RSRC1: variants seen among roughly 807,000 people sequenced by gnomAD.
RSRC1 encodes the protein arginine and serine rich coiled-coil 1.
In RSRC1, 39 loss-of-function variants were observed where a neutral mutation model predicts 49.1. That is an observed-to-expected ratio of 0.79 (90% CI 0.61 to 1.04). The LOEUF (loss-of-function observed/expected upper bound fraction) is 1.04. RSRC1 is among the 50% of genes least tolerant of loss of function. The pLI is 0.00. For missense variants in RSRC1, 388 were observed against 402.4 expected, an observed-to-expected ratio of 0.96 and a Z score of 0.31; for synonymous variants, 143 against 130.8, an observed-to-expected ratio of 1.09 and a Z score of -0.63.
At chr3:158,447,008 TCTTTAA>T (rs1736756689) in intron 6 of RSRC1, among the ~76,000 whole-genome samples, 1 of 152,098 alleles carries the variant, frequency 6.6e-6, no homozygotes, top group South Asian at 2.1e-4. Context: ...TTTGCTGTAT[TCTTTAA>T]CTAGTAGGGG....
intron 7 of RSRC1, among the ~76,000 whole-genome samples, chr3:158,514,520 G>A (rs1193439703): frequency 6.6e-6 from 1 of 152,124 alleles, no homozygotes; most frequent in Non-Finnish European, 1.5e-5. Context: ...ATTTGCTGAG[G>A]AGAGCTTTAC....
At chr3:158,413,535 C>T (rs1320282791) in intron 6 of RSRC1, among the ~76,000 whole-genome samples, 2 of 152,016 alleles carry the variant, frequency 1.3e-5, no homozygotes, top group Non-Finnish European at 2.9e-5. Flanking sequence ...AAGAAACTAT[C>T]ATCAGAGTCA....
chr3:158,214,003 ATGTT>A, intron 4 of RSRC1, among the ~76,000 whole-genome samples: 1 of 151,582 alleles, frequency 6.6e-6, no homozygotes, highest in East Asian at 1.9e-4. Flanking sequence ...CAGATCAGAA[ATGTT>A]TGTGGGAAAA....
At chr3:158,362,546 A>G (rs895706469) in intron 6 of RSRC1, among the ~76,000 whole-genome samples, 6 of 152,220 alleles carry the variant, frequency 3.9e-5, no homozygotes, top group Non-Finnish European at 8.8e-5. Flanking sequence ...TTTATAATAA[A>G]TATACTAAGA....
Position 158,188,481 on chromosome 3 carries a change from C to T in RSRC1, c.321-14591C>T, listed in dbSNP as rs149632291. ...ATCCACCAGGCTTTTGTTTACATTC[C>T]CTCTTCCTGCTCTATCATCTGGAAA... On this transcript the variant is annotated intron_variant, in intron 3 of 9. Coordinates refer to ENST00000611884, the MANE Select transcript of RSRC1 (RefSeq NM_001271838.2). 5.9e-5 allele frequency among the ~76,000 whole-genome samples: 9 copies of T among 152,030 alleles called. No individual in the cohort carries two copies. The East Asian group carries it at 1.7e-3, about 29-fold the overall frequency.
At chr3:158,498,368 G>C (rs1375594185) in intron 7 of RSRC1, among the ~76,000 whole-genome samples, 1 of 151,638 alleles carries the variant, frequency 6.6e-6, no homozygotes, top group Non-Finnish European at 1.5e-5. Context: ...ATCTTCTTTT[G>C]AGAATTGTCT....
chr3:158,362,706 T>G (rs553504202), intron 6 of RSRC1, among the ~76,000 whole-genome samples: 14 of 152,230 alleles, frequency 9.2e-5, no homozygotes, highest in Non-Finnish European at 1.9e-4. Context: ...AGGACTCCTT[T>G]GTCTCCATCA....
chr3:158,487,136 T>A (rs1267900403), intron 7 of RSRC1, among the ~76,000 whole-genome samples: 1 of 152,194 alleles, frequency 6.6e-6, no homozygotes, highest in Non-Finnish European at 1.5e-5. Context: ...TTCAATACTG[T>A]TGCACAGATA....
At chr3:158,272,166 C>T (rs1216392133) in intron 4 of RSRC1, among the ~76,000 whole-genome samples, 3 of 152,066 alleles carry the variant, frequency 2.0e-5, no homozygotes, top group African/African-American at 7.2e-5. Flanking sequence ...GGATTTCTTT[C>T]TTAAGCCCCG....
In RSRC1 at chr3:158,228,933, CAT is replaced by C. The variant is rs1199164984; in HGVS notation, c.494+25690_494+25691del. Among the ~76,000 whole-genome samples the C allele has an allele frequency of 1.7e-5, 2 of 114,424 alleles. 1 individual carries two copies. Among genetic ancestry groups the C allele is most frequent in the Non-Finnish European group, 4.0e-5 (2 of 50,180 alleles). The allele number at this position is 114,424 out of a possible 152,430, so 75.1% of individuals were successfully genotyped here. ...ACGTGTATATGTGTGTATAAACACA[CAT>C]ACGTGTATATGTGTGTATAAACACA... On this transcript the variant is annotated intron_variant, in intron 4 of 9. Coordinates refer to ENST00000611884, the MANE Select transcript of RSRC1 (RefSeq NM_001271838.2).
intron 7 of RSRC1, among the ~76,000 whole-genome samples, chr3:158,479,604 C>T (rs1289808632): frequency 6.6e-6 from 1 of 151,974 alleles, no homozygotes; most frequent in Non-Finnish European, 1.5e-5. Flanking sequence ...CCTCCTTGTT[C>T]ACCAGATATG....
intron 6 of RSRC1, among the ~76,000 whole-genome samples, chr3:158,453,103 G>T (rs200514301): frequency 6.6e-6 from 1 of 151,914 alleles, no homozygotes; most frequent in African/African-American, 2.4e-5. Context: ...AGTGGCTTTT[G>T]TATTTCATAA....
chr3:158,362,458 T>C (rs961646930), intron 6 of RSRC1, among the ~76,000 whole-genome samples: 2 of 152,230 alleles, frequency 1.3e-5, no homozygotes, highest in African/African-American at 4.8e-5. Context: ...AGTAAGTCAT[T>C]GTAGAGAAAC....
At chr3:158,494,327 G>T (rs1739214779) in intron 7 of RSRC1, among the ~76,000 whole-genome samples, 1 of 152,126 alleles carries the variant, frequency 6.6e-6, no homozygotes, top group African/African-American at 2.4e-5. Context: ...TGATATAAAA[G>T]ATTTTTTAAA....
chr3:158,483,776 G>C (rs1212700754), intron 7 of RSRC1, among the ~76,000 whole-genome samples: 1 of 152,074 alleles, frequency 6.6e-6, no homozygotes, highest in Non-Finnish European at 1.5e-5. Flanking sequence ...GGTGCCTACA[G>C]TCTTGAATTT....
At chr3:158,165,757 T>G (rs1178747900) in intron 3 of RSRC1, among the ~76,000 whole-genome samples, 1 of 152,246 alleles carries the variant, frequency 6.6e-6, no homozygotes, top group Non-Finnish European at 1.5e-5. Flanking sequence ...TCTTATTCCA[T>G]ATTTGCTCCA....
At chr3:158,159,309 A>G (rs4558712) in intron 3 of RSRC1, among the ~76,000 whole-genome samples, 90,113 of 152,022 alleles carry the variant, frequency 0.59, 26,977 homozygotes, top group East Asian at 0.71. Context: ...AGTGTCCTAG[A>G]GAATTCCAGA....
chr3:158,436,894 T>A (rs1465261703), intron 6 of RSRC1, among the ~76,000 whole-genome samples: 1 of 151,972 alleles, frequency 6.6e-6, no homozygotes, highest in Non-Finnish European at 1.5e-5. Flanking sequence ...ATGAGTTAAC[T>A]AAGACACAGA....
chr3:158,256,975 G>A (rs1724599924), intron 4 of RSRC1, among the ~76,000 whole-genome samples: 1 of 151,820 alleles, frequency 6.6e-6, no homozygotes. Flanking sequence ...TTCTTTAATA[G>A]TCTTGCTAGT....
Sources: allele counts gnomAD v4.1 joint callset (sites outside exome capture counted in the v4.1 genomes callset), GRCh38; gene constraint gnomAD v4.1.1; transcripts MANE v1.5; gene names NCBI Gene and HGNC (gene_info 2026-07-23, HGNC 2026-07-21).